The following ERICH6 variants were observed in gnomAD, a reference collection of about 807,000 sequenced individuals.
ERICH6 encodes glutamate rich 6.
A neutral mutation model predicts 71.0 loss-of-function variants in ERICH6; 71 were observed. The observed-to-expected ratio is 1.00, with a 90% CI of 0.83 to 1.22. The LOEUF (loss-of-function observed/expected upper bound fraction) is 1.22. Among genes scored for constraint, ERICH6 ranks in the 50% most tolerant of loss-of-function variants. The probability of loss-of-function intolerance (pLI) is 0.00; values close to 1 mark genes in which losing one functional copy is unlikely to be tolerated. For synonymous variants in ERICH6, 262 were observed against 278.4 expected (o/e 0.94, Z 0.59); for missense variants, 808 against 797.2 (o/e 1.01, Z -0.16).
chr3:150,675,719 T>TTTA (rs1711625603), intron 10 of ERICH6, among the ~76,000 whole-genome samples: 1 of 152,018 alleles, frequency 6.6e-6, no homozygotes, highest in South Asian at 2.1e-4. Flanking sequence ...TTTTTTTTTT[T>TTTA]ACCACACTGA....
intron 6 of ERICH6, 74 bp downstream of exon 6, chr3:150,685,668 C>A: frequency 8.5e-7 from 1 of 1,170,384 alleles, no homozygotes; most frequent in Non-Finnish European, 1.2e-6. Context: ...TTTTCACTGT[C>A]TATTGTGCAA....
At chr3:150,683,387 T>C (rs1712047423) in intron 6 of ERICH6, among the ~76,000 whole-genome samples, 1 of 152,140 alleles carries the variant, frequency 6.6e-6, no homozygotes, top group Admixed American at 6.5e-5. Context: ...ACCTGCTCCA[T>C]ACAAGGGACT....
rs753659530 is a variant in ERICH6, at chr3:150,703,856, TC to T, written c.42del (p.Lys15ArgfsTer11). Reference protein sequence around the residue: ...LRSPSGFGDPGKKDQKESEEE... With the variant: ...LRSPSGFGDPXKKDQKESEEE... Reference sequence around the variant, plus strand: ...TCCTCTGACTCCTTCTGGTCCTTCTTCCCCGGGTCTCCGAAGCCGCTAGGCG... The same window carrying T: ...TCCTCTGACTCCTTCTGGTCCTTCTTCCCGGGTCTCCGAAGCCGCTAGGCG... On this transcript the variant is annotated frameshift_variant, in exon 1 of 14. Transcript: ENST00000295910. LOFTEE classifies it high-confidence loss of function. The T allele has an allele frequency of 5.0e-6, 8 of 1,603,940 alleles. No individual in the cohort carries two copies. The Admixed American group carries it at 1.4e-4, about 27-fold the overall frequency.
chr3:150,690,523 TC>T (rs1160563797), intron 3 of ERICH6, among the ~76,000 whole-genome samples: 1 of 152,140 alleles, frequency 6.6e-6, no homozygotes, highest in Non-Finnish European at 1.5e-5. Context: ...ATAAAAGAAC[TC>T]TAATTAATTG....
intron 6 of ERICH6, among the ~76,000 whole-genome samples, chr3:150,685,089 C>T (rs1023335815): frequency 1.3e-5 from 2 of 152,148 alleles, no homozygotes; most frequent in African/African-American, 2.4e-5. Flanking sequence ...TCTGTCTCAG[C>T]CTCCCAAAGT....
At position 150,685,769 on chromosome 3, in the gene ERICH6, CTCT is replaced by C. The variant is rs769108474; in HGVS notation, c.753_755del (p.Glu252del). 5.6e-6 allele frequency: 9 copies of C among 1,613,586 alleles called. No homozygotes were observed. The highest frequency in any genetic ancestry group is 5.3e-5 in the African/African-American group (4 of 74,836). On this transcript the variant is annotated inframe_deletion, in exon 6 of 14. Transcript: ENST00000295910. ...TGAAGTTAATGCCTAAATTGGAGCT[CTCT>C]TCTTTGTATGCCAGAATGGATGGTG...
intron 12 of ERICH6, 106 bp downstream of exon 12, chr3:150,669,190 A>G (rs1711496614): frequency 8.0e-7 from 1 of 1,257,442 alleles, no homozygotes; most frequent in Non-Finnish European, 1.1e-6. Flanking sequence ...AAGAACACTA[A>G]CTTAAATAAA....
chr3:150,669,129 A>T (rs988327933), intron 12 of ERICH6, among the ~76,000 whole-genome samples, 167 bp downstream of exon 12: 14 of 152,240 alleles, frequency 9.2e-5, no homozygotes, highest in Non-Finnish European at 1.8e-4. Context: ...ACTGAAAAGC[A>T]TACGGAATGG....
At chr3:150,679,216 A>C (rs1301362749) in intron 9 of ERICH6, among the ~76,000 whole-genome samples, 2 of 151,552 alleles carry the variant, frequency 1.3e-5, no homozygotes, top group Non-Finnish European at 2.9e-5. Context: ...TTCAACTTTT[A>C]TTTTTATTTA....
chr3:150,690,252 C>G (rs912405073), intron 3 of ERICH6, among the ~76,000 whole-genome samples: 2 of 152,158 alleles, frequency 1.3e-5, no homozygotes, highest in African/African-American at 2.4e-5. Flanking sequence ...CTCTAGCACA[C>G]CAGACTTTTT....
At chr3:150,700,038 T>C (rs1712805860) in intron 2 of ERICH6, among the ~76,000 whole-genome samples, 1 of 151,874 alleles carries the variant, frequency 6.6e-6, no homozygotes, top group African/African-American at 2.4e-5. Flanking sequence ...CAGTATTGGC[T>C]ACTAGGAGGC....
At chr3:150,699,451 T>G (rs6766256) in intron 2 of ERICH6, among the ~76,000 whole-genome samples, 67,302 of 151,988 alleles carry the variant, frequency 0.44, 15,138 homozygotes, top group South Asian at 0.52. Flanking sequence ...GCCCCACCCA[T>G]CTGCACAGGG....
chr3:150,678,494 A>T lies in ERICH6; in HGVS notation c.1172T>A (p.Ile391Lys). 6.2e-7 allele frequency: 1 copy of T among 1,603,654 alleles called. No homozygotes were observed. Among genetic ancestry groups the T allele is most frequent in the Non-Finnish European group, 8.5e-7 (1 of 1,177,278 alleles). ...QLSVDIPEKQ[I>K]IDDIVFDFQL... ...AAAATCAAATACAATGTCATCAATT[A>T]TCTGTTTTTCTGGAATATCCACAGA... Residue 391 changes from isoleucine to lysine, a missense_variant, in exon 10 of 14, where the codon ATA becomes AAA. Coordinates refer to ENST00000295910, the MANE Select transcript of ERICH6 (RefSeq NM_152394.5).
intron 13 of ERICH6, among the ~76,000 whole-genome samples, chr3:150,662,768 G>C (rs923970903): frequency 9.9e-5 from 15 of 151,672 alleles, no homozygotes; most frequent in African/African-American, 3.6e-4. Context: ...GTGCTAGGGA[G>C]AAGGTGGGGG....
rs545474681 is a variant in ERICH6, at chr3:150,669,170, T to C, written c.1499+126A>G. On this transcript the variant is annotated intron_variant, in intron 12 of 13. Coordinates refer to ENST00000295910, the MANE Select transcript of ERICH6 (RefSeq NM_152394.5). ...ACCAAAAATGTCTCTGAGTTGAACA[T>C]TACCATCTAAAGAACACTAACTTAA... 2.0e-4 allele frequency: 211 copies of C among 1,042,084 alleles called. 1 individual carries two copies. The South Asian group carries it at 3.8e-3, about 19-fold the overall frequency. 64.6% of individuals were successfully genotyped at this position (1,042,084 alleles called of 1,614,324 possible).
At chr3:150,698,241 T>C (rs991231912) in intron 3 of ERICH6, among the ~76,000 whole-genome samples, 1 of 152,174 alleles carries the variant, frequency 6.6e-6, no homozygotes, top group Non-Finnish European at 1.5e-5. Context: ...GATTTGCTTG[T>C]TTTTTTCACT....
At chr3:150,690,633 T>G (rs1712398869) in intron 3 of ERICH6, among the ~76,000 whole-genome samples, 1 of 152,210 alleles carries the variant, frequency 6.6e-6, no homozygotes, top group African/African-American at 2.4e-5. Flanking sequence ...TTCAGTAAAA[T>G]CTTTAATAAA....
chr3:150,703,860 C>T lies in ERICH6; in HGVS notation c.39G>A (p.Pro13=), dbSNP rs762655104. ...CTGACTCCTTCTGGTCCTTCTTCCC[C>T]GGGTCTCCGAAGCCGCTAGGCGAGC... ...HLRSPSGFGD[P]GKKDQKESEE... is the part of the protein sequence containing the mutation. The change falls in exon 1 of 14, where the codon CCG becomes CCA. Residue 13 remains proline (P), a synonymous_variant. Coordinates refer to ENST00000295910, the MANE Select transcript of ERICH6 (RefSeq NM_152394.5). The T allele has an allele frequency of 1.7e-5, 28 of 1,613,832 alleles. No individual in the cohort carries two copies. The African/African-American group carries it at 3.3e-4, about 19-fold the overall frequency.
At chr3:150,690,796 A>T (rs1400856015) in intron 3 of ERICH6, among the ~76,000 whole-genome samples, 2 of 152,210 alleles carry the variant, frequency 1.3e-5, no homozygotes, top group Non-Finnish European at 2.9e-5. Flanking sequence ...GGGTTACAAA[A>T]CTATAAACCC....
Sources: gnomAD v4.1 joint callset for allele counts (sites outside exome capture counted in the v4.1 genomes callset) on GRCh38, gnomAD v4.1.1 for gene constraint, MANE v1.5 for transcripts, NCBI Gene and HGNC (gene_info 2026-07-23, HGNC 2026-07-21) for gene names.